The following ST3GAL6 variants were observed in gnomAD, a reference collection of about 807,000 sequenced individuals.
The protein encoded by ST3GAL6 is type 2 lactosamine alpha-2,3-sialyltransferase.
ST3GAL6 carries 31 observed loss-of-function variants against 40.5 expected under a neutral mutation model. That is an observed-to-expected ratio of 0.77 (90% CI 0.58 to 1.03). The LOEUF is 1.03. ST3GAL6 is among the 50% of genes least tolerant of loss of function. ST3GAL6 has a pLI of 0.00. For missense variants in ST3GAL6, 357 were observed against 393.2 expected (o/e 0.91, Z 0.78); for synonymous variants, 129 against 136.9 (o/e 0.94, Z 0.40).
rs139964881 is a variant in ST3GAL6 at position 98,786,044 on chromosome 3, G to C, written c.431+1004G>C. On this transcript the variant is annotated intron_variant, in intron 6 of 9. Transcript: ENST00000483910. The stretch of plus-strand genomic sequence containing the variant: ...TGGTATCATTTATTAAGTTGGGGAA[G>C]ACTGGTATAGGAGCAGGTTTAGAGG... 4.0e-3 allele frequency among the ~76,000 whole-genome samples: 611 copies of C among 152,254 alleles called. 3 individuals are homozygous for C. The highest frequency in any genetic ancestry group is 0.014 in the African/African-American group (578 of 41,534).
Position 98,748,713 on chromosome 3 carries a change from G to A in ST3GAL6, c.-12+16181G>A, listed in dbSNP as rs144658250. ...ACTCCTGACCTCAGGTGATCTGCCCGCCTTGGCCTCCCAAAGTGCTGGGAT... is the reference window on the plus strand; with the variant it reads ...ACTCCTGACCTCAGGTGATCTGCCCACCTTGGCCTCCCAAAGTGCTGGGAT... On this transcript the variant is annotated intron_variant, in intron 1 of 9. Coordinates refer to the ST3GAL6 transcript ENST00000265261. Among the ~76,000 whole-genome samples, 45 of 152,216 alleles carry A rather than the reference G, an allele frequency of 3.0e-4. 1 individual carries two copies. Among genetic ancestry groups the A allele is most frequent in the African/African-American group, 9.6e-4 (40 of 41,542 alleles).
At chr3:98,771,240 TC>T in intron 3 of ST3GAL6, 2 of 1,061,646 alleles carry the variant, frequency 1.9e-6, no homozygotes, top group Non-Finnish European at 2.5e-6. Flanking sequence ...AGCGAATTGT[TC>T]TTTAGGGTTT....
Position 98,745,199 on chromosome 3 carries a change from A to G in ST3GAL6, c.-12+12667A>G, listed in dbSNP as rs186163618. Among the ~76,000 whole-genome samples, 10 of 152,020 alleles carry G rather than the reference A, an allele frequency of 6.6e-5. No homozygotes were observed. In the East Asian group the frequency reaches 1.9e-3, roughly 29 times the overall value. ...CAGGCACTTGCCATCAAGCCTAGCT[A>G]ATTTTTGTATTTTTAGTAGAGACGG... On this transcript the variant is annotated intron_variant, in intron 1 of 9. Coordinates refer to the ST3GAL6 transcript ENST00000265261.
intron 1 of ST3GAL6, among the ~76,000 whole-genome samples, chr3:98,750,063 A>G (rs544972543): frequency 1.3e-5 from 2 of 152,234 alleles, no homozygotes; most frequent in South Asian, 2.1e-4. Flanking sequence ...TCAGAGACAC[A>G]TGATTTTTTT....
intron 1 of ST3GAL6, among the ~76,000 whole-genome samples, chr3:98,749,209 T>C (rs141061229): frequency 6.6e-6 from 1 of 152,286 alleles, no homozygotes; most frequent in Non-Finnish European, 1.5e-5. Context: ...CACTTTGCCT[T>C]AAGGATCAAT....
intron 1 of ST3GAL6, among the ~76,000 whole-genome samples, chr3:98,767,735 G>A (rs1938516525): frequency 6.6e-6 from 1 of 151,932 alleles, no homozygotes; most frequent in Non-Finnish European, 1.5e-5. Context: ...GGCTTTTTTT[G>A]CATTTACATT....
intron 1 of ST3GAL6, among the ~76,000 whole-genome samples, chr3:98,749,490 C>A (rs1481802326): frequency 6.6e-6 from 1 of 152,016 alleles, no homozygotes; most frequent in Non-Finnish European, 1.5e-5. Context: ...TAACTCATTT[C>A]TTTCTTTTAA....
intron 8 of ST3GAL6, among the ~76,000 whole-genome samples, chr3:98,790,935 T>A (rs1941149319): frequency 6.6e-6 from 1 of 152,220 alleles, no homozygotes; most frequent in Non-Finnish European, 1.5e-5. Context: ...TGAAGGCAGT[T>A]AATGCTTTCG....
At chr3:98,763,167 A>G (rs1322684927), upstream of ST3GAL6, 4 of 1,186,630 alleles carry the variant, frequency 3.4e-6, no homozygotes, top group Admixed American at 1.1e-4. Context: ...AGGCTGGACC[A>G]AAAAAAATCT....
intron 5 of ST3GAL6, among the ~76,000 whole-genome samples, chr3:98,780,448 C>T (rs2107273188): frequency 6.6e-6 from 1 of 152,286 alleles, no homozygotes; most frequent in Non-Finnish European, 1.5e-5. Flanking sequence ...TTCTCTCTTT[C>T]TGTTTGTCCC....
intron 1 of ST3GAL6, among the ~76,000 whole-genome samples, chr3:98,740,344 G>T (rs968251050): frequency 1.3e-5 from 2 of 148,680 alleles, no homozygotes; most frequent in Non-Finnish European, 3.0e-5. Flanking sequence ...GACCATCAAT[G>T]ATTTTCATTA....
intron 1 of ST3GAL6, chr3:98,732,913 C>G: frequency 1.3e-6 from 2 of 1,508,814 alleles, no homozygotes; most frequent in South Asian, 2.5e-5. Context: ...GCAGCGGCCC[C>G]TCAGGTCTCG....
upstream of ST3GAL6, among the ~76,000 whole-genome samples, chr3:98,759,559 CTTT>C (rs911637798): frequency 9.2e-5 from 14 of 151,972 alleles, no homozygotes; most frequent in African/African-American, 3.4e-4. Flanking sequence ...AAATGTTCTT[CTTT>C]ATTACCAACT....
At chr3:98,738,863 C>G (rs992480513) in intron 1 of ST3GAL6, among the ~76,000 whole-genome samples, 11 of 152,178 alleles carry the variant, frequency 7.2e-5, no homozygotes, top group Non-Finnish European at 1.6e-4. Context: ...TAATAGACAT[C>G]TACAGAACTC....
chr3:98,756,885 A>G (rs900610555), intron 1 of ST3GAL6, among the ~76,000 whole-genome samples: 4 of 152,202 alleles, frequency 2.6e-5, no homozygotes, highest in Admixed American at 6.5e-5. Context: ...CATCACAAAT[A>G]TTATAGAAAT....
intron 1 of ST3GAL6, chr3:98,733,331 T>G: frequency 8.8e-7 from 1 of 1,142,460 alleles, no homozygotes; most frequent in East Asian, 4.4e-5. Flanking sequence ...CCAGGAGCCG[T>G]GGGGGCCGAG....
At chr3:98,788,658 T>C (rs1003417487) in intron 8 of ST3GAL6, among the ~76,000 whole-genome samples, 195 bp downstream of exon 8, 1 of 127,576 alleles carries the variant, frequency 7.8e-6, no homozygotes, top group African/African-American at 2.9e-5. Context: ...GGAAATGTAA[T>C]TTTAAGTTGG....
chr3:98,784,017 A>G (rs934214032), intron 5 of ST3GAL6, among the ~76,000 whole-genome samples: 2 of 152,196 alleles, frequency 1.3e-5, no homozygotes, highest in African/African-American at 4.8e-5. Context: ...GTGTTTGTAC[A>G]GTTTTGCTAC....
At chr3:98,778,165 T>A (rs1467636927) in intron 5 of ST3GAL6, among the ~76,000 whole-genome samples, 1 of 152,182 alleles carries the variant, frequency 6.6e-6, no homozygotes, top group Non-Finnish European at 1.5e-5. Context: ...ATATAGTAAC[T>A]AGACATAAAT....
Sources: allele counts gnomAD v4.1 joint callset (sites outside exome capture counted in the v4.1 genomes callset), GRCh38; gene constraint gnomAD v4.1.1; transcripts MANE v1.5; gene names NCBI Gene and HGNC (gene_info 2026-07-23, HGNC 2026-07-21).